Variants in RBFOX1 observed in about 807,000 individuals in gnomAD.
RBFOX1 encodes the protein RNA binding protein fox-1 homolog 1.
In RBFOX1, 8 loss-of-function variants were observed where a neutral mutation model predicts 57.7. The observed-to-expected ratio is 0.14, with a 90% CI of 0.08 to 0.25. The LOEUF (loss-of-function observed/expected upper bound fraction) is 0.25, where lower values mean the gene tolerates loss of function less well. Among genes scored for constraint, RBFOX1 ranks in the 10% least tolerant of loss-of-function variants. The pLI is 1.00. For synonymous variants in RBFOX1, 326 were observed against 222.4 expected, an observed-to-expected ratio of 1.47 and a Z score of -4.15; for missense variants, 611 against 548.5, an observed-to-expected ratio of 1.11 and a Z score of -1.14.
At chr16:7,203,300 G>A (rs557689551) in intron 4 of RBFOX1, among the ~76,000 whole-genome samples, 10 of 152,246 alleles carry the variant, frequency 6.6e-5, no homozygotes, top group East Asian at 3.9e-4. Context: ...AAAAACACAC[G>A]CACTGTATAA....
rs528226621 is a variant in RBFOX1, at chr16:6,538,565, A to T, written c.-63-116038A>T. Reference sequence around the variant, plus strand: ...GCCACACCCACTAGGATGACAAGTAATAATAATAGTAATAACAGAAGGTAA... The same window carrying T: ...GCCACACCCACTAGGATGACAAGTATTAATAATAGTAATAACAGAAGGTAA... On this transcript the variant is annotated intron_variant, in intron 2 of 15. Transcript: ENST00000550418. Among the ~76,000 whole-genome samples the T allele has an allele frequency of 3.3e-5, 5 of 152,334 alleles. No individual in the cohort carries two copies. The East Asian group carries it at 9.6e-4, about 29-fold the overall frequency.
At chr16:6,066,312 A>T (rs1596918597) in intron 1 of RBFOX1, among the ~76,000 whole-genome samples, 1 of 150,254 alleles carries the variant, frequency 6.7e-6, no homozygotes, top group African/African-American at 2.4e-5. Context: ...AAAAAAAAAA[A>T]AAAAAAAAGG....
At chr16:7,305,026 T>C (rs2096143740) in intron 4 of RBFOX1, among the ~76,000 whole-genome samples, 2 of 151,548 alleles carry the variant, frequency 1.3e-5, no homozygotes, top group African/African-American at 4.9e-5. Context: ...TTCTGGAGTG[T>C]GTCAGCCCCA....
intron 3 of RBFOX1, among the ~76,000 whole-genome samples, chr16:5,712,368 T>C (rs1221710753): frequency 6.6e-6 from 1 of 152,226 alleles, no homozygotes; most frequent in Non-Finnish European, 1.5e-5. Flanking sequence ...AGACAAGTGC[T>C]CTAAGGCTTA....
intron 4 of RBFOX1, among the ~76,000 whole-genome samples, chr16:7,394,054 G>A (rs1322254460): frequency 6.6e-6 from 1 of 151,816 alleles, no homozygotes; most frequent in Non-Finnish European, 1.5e-5. Flanking sequence ...TGGCCACAAT[G>A]GTGAAACCCC....
Position 5,378,562 on chromosome 16 carries a change from C to G in RBFOX1, c.220-88654C>G, listed in dbSNP as rs945577696. 2.8e-4 allele frequency among the ~76,000 whole-genome samples: 42 copies of G among 151,576 alleles called. 2 individuals carry two copies. Among genetic ancestry groups the G allele is most frequent in the African/African-American group, 9.8e-4 (40 of 40,894 alleles). On this transcript the variant is annotated intron_variant, in intron 1 of 2. Transcript: ENST00000585867. ...AACCTCCACTAGGGCAGCAAGTTGT[C>G]CCAGTTATACCTGGGAATGCAGGCT... is the stretch of plus-strand genomic sequence containing the variant.
intron 3 of RBFOX1, among the ~76,000 whole-genome samples, chr16:5,647,608 A>T (rs1319244295): frequency 6.6e-6 from 1 of 152,070 alleles, no homozygotes; most frequent in Middle Eastern, 3.2e-3. Context: ...CCAGTGTGGG[A>T]AAGGAGAAAA....
chr16:5,915,327 T>C (rs1238185484), intron 4 of RBFOX1, among the ~76,000 whole-genome samples: 2 of 152,214 alleles, frequency 1.3e-5, no homozygotes, highest in Admixed American at 6.5e-5. Context: ...CAACTGGCTA[T>C]TGCATCCTTT....
chr16:7,100,565 G>GTTTTT (rs201889492), intron 4 of RBFOX1, among the ~76,000 whole-genome samples: 1 of 118,760 alleles, frequency 8.4e-6, no homozygotes, highest in Non-Finnish European at 1.8e-5. Context: ...TTTAAAGGTT[G>GTTTTT]TTTTTTTTTT....
chr16:5,481,076 C>T (rs2069524225), intron 2 of RBFOX1, among the ~76,000 whole-genome samples: 1 of 152,208 alleles, frequency 6.6e-6, no homozygotes, highest in African/African-American at 2.4e-5. Context: ...TAAAAATACT[C>T]CGACTCTCAC....
chr16:6,726,412 A>G (rs1053018735), intron 3 of RBFOX1, among the ~76,000 whole-genome samples: 63 of 147,610 alleles, frequency 4.3e-4, no homozygotes, highest in Admixed American at 2.6e-3. Flanking sequence ...TTTTTTTTTA[A>G]CTTTGCAAAG....
chr16:5,894,553 G>T (rs537842754), intron 4 of RBFOX1, among the ~76,000 whole-genome samples: 2 of 152,190 alleles, frequency 1.3e-5, no homozygotes, highest in Admixed American at 1.3e-4. Context: ...GGTATTACAG[G>T]AGTGAGCCAC....
chr16:7,302,452 A>G (rs1441983204), intron 4 of RBFOX1, among the ~76,000 whole-genome samples: 3 of 151,878 alleles, frequency 2.0e-5, no homozygotes, highest in African/African-American at 4.8e-5. Flanking sequence ...GATATTTGGG[A>G]TGTCCCTGGT....
chr16:5,538,242 C>T (rs78828218), intron 2 of RBFOX1, among the ~76,000 whole-genome samples: 50 of 152,290 alleles, frequency 3.3e-4, no homozygotes, highest in African/African-American at 1.1e-3. Context: ...ACACCTCTTA[C>T]ACTTGATATT....
intron 3 of RBFOX1, among the ~76,000 whole-genome samples, chr16:7,038,363 C>T (rs1300513028): frequency 6.6e-6 from 1 of 152,136 alleles, no homozygotes; most frequent in African/African-American, 2.4e-5. Flanking sequence ...TGATTGCTTT[C>T]GCTGCTGAAA....
rs142123638 is a variant in RBFOX1 at position 5,982,100 on chromosome 16, C to A, written c.351+114765C>A. 2.7e-4 allele frequency among the ~76,000 whole-genome samples: 41 copies of A among 152,248 alleles called. 1 individual carries two copies. Among genetic ancestry groups the A allele is most frequent in the African/African-American group, 9.1e-4 (38 of 41,556 alleles). On this transcript the variant is annotated intron_variant, in intron 4 of 19. Transcript: ENST00000641259. ...GTTGCCATCTCATGGGGCACAGGGC[C>A]AGAAGCCTTATAATGGCCTGTCAGC... is the stretch of plus-strand genomic sequence containing the variant.
intron 2 of RBFOX1, among the ~76,000 whole-genome samples, chr16:6,633,582 C>T (rs931064195): frequency 6.6e-5 from 10 of 152,226 alleles, no homozygotes; most frequent in Non-Finnish European, 1.5e-4. Flanking sequence ...GCCTGAGACA[C>T]TGCGCCTGGC....
intron 4 of RBFOX1, among the ~76,000 whole-genome samples, chr16:5,872,159 G>A (rs1233315726): frequency 6.6e-6 from 1 of 152,190 alleles, no homozygotes; most frequent in African/African-American, 2.4e-5. Flanking sequence ...GGGCTGAGCT[G>A]CTTAGTCTGT....
chr16:5,818,528 T>A (rs1158735594), intron 3 of RBFOX1, among the ~76,000 whole-genome samples: 1 of 152,210 alleles, frequency 6.6e-6, no homozygotes, highest in Non-Finnish European at 1.5e-5. Context: ...GAAATCCGTC[T>A]CGGAAGACAC....
Sources: allele counts gnomAD v4.1 joint callset (sites outside exome capture counted in the v4.1 genomes callset), GRCh38; gene constraint gnomAD v4.1.1; transcripts MANE v1.5; gene names NCBI Gene and HGNC (gene_info 2026-07-23, HGNC 2026-07-21).